FSHR: variants seen among roughly 807,000 people sequenced by gnomAD.
The protein encoded by FSHR is follicle stimulating hormone receptor, also known as follicle-stimulating hormone receptor.
FSHR carries 46 observed loss-of-function variants against 52.1 expected under a neutral mutation model. That is an observed-to-expected ratio of 0.88 (90% CI 0.70 to 1.13). FSHR has a LOEUF of 1.13. FSHR is among the 50% of genes most tolerant of loss of function. FSHR has a pLI of 0.00. For synonymous variants in FSHR, 399 were observed against 309.6 expected (o/e 1.29, Z -3.03); for missense variants, 964 against 834.6 (o/e 1.16, Z -1.91).
rs141481803 is a variant in FSHR at position 49,005,989 on chromosome 2, G to A, written c.374+11500C>T. Among the ~76,000 whole-genome samples the A allele has an allele frequency of 3.2e-3, 481 of 152,192 alleles. 4 individuals are homozygous for A. The highest frequency in any genetic ancestry group is 8.5e-3 in the African/African-American group (352 of 41,532). Reference sequence around the variant, plus strand: ...AGACTATAAAGCAGGCAGAAAAAACGTGAAAAGATTAGACTGGCTTAGCCT... The same window carrying A: ...AGACTATAAAGCAGGCAGAAAAAACATGAAAAGATTAGACTGGCTTAGCCT... On this transcript the variant is annotated intron_variant, in intron 4 of 9. Transcript: ENST00000406846.
chr2:48,968,953 C>G, intron 8 of FSHR, 70 bp from the exon 9 acceptor site: 1 of 1,361,178 alleles, frequency 7.3e-7, no homozygotes, highest in Non-Finnish European at 1.0e-6. Context: ...GGTTAGCAGG[C>G]AAAATAGCAG....
At position 48,963,238 on chromosome 2, in the gene FSHR, T is replaced by C. The variant is rs754540694; in HGVS notation, c.1583A>G (p.Gln528Arg). 5.0e-6 allele frequency: 8 copies of C among 1,614,108 alleles called. No individual in the cohort carries two copies. The highest frequency in any genetic ancestry group is 1.7e-4 in the Middle Eastern group (1 of 6,058). Residue 528 changes from glutamine (Q) to arginine (R), a missense_variant, in exon 10 of 10, where the codon CAG becomes CGG. Physicochemically the swap from Gln to Arg is conservative, Grantham distance 43. Transcript: ENST00000406846. ...CACAAGGAGGGACATGACATACAGC[T>C]GTGACAAAGGGCTGTCAATATCCAT... ...LPMDIDSPLS[Q>R]LYVMSLLVLN...
intron 4 of FSHR, among the ~76,000 whole-genome samples, chr2:48,991,257 C>T (rs1426447716): frequency 6.6e-6 from 1 of 152,124 alleles, no homozygotes; most frequent in East Asian, 1.9e-4. Context: ...GAAGCAGAGC[C>T]TGAGAAGAAG....
rs546856469 is a variant in FSHR, at chr2:48,975,645, C to G, written c.669-6762G>C. On this transcript the variant is annotated intron_variant, in intron 8 of 9. Transcript: ENST00000406846. ...TGAGCCAATGTCCCTAAGAAATCTC[C>G]TCTTCTCTTATTTCCTCGAGCAGTG... 7.9e-5 allele frequency among the ~76,000 whole-genome samples: 12 copies of G among 152,140 alleles called. 1 individual carries two copies. In the South Asian group the frequency reaches 2.5e-3, roughly 32 times the overall value.
chr2:49,100,470 G>A (rs1670984960), intron 1 of FSHR, among the ~76,000 whole-genome samples: 1 of 152,144 alleles, frequency 6.6e-6, no homozygotes. Context: ...CATTTCTTAT[G>A]GAAAGCCTTG....
At chr2:48,984,923 G>A (rs1216914393) in intron 6 of FSHR, among the ~76,000 whole-genome samples, 1 of 152,102 alleles carries the variant, frequency 6.6e-6, no homozygotes, top group Non-Finnish European at 1.5e-5. Flanking sequence ...TATATGGGGA[G>A]GAGGATGGTA....
Position 49,022,335 on chromosome 2 carries a change from A to T in FSHR, c.225-2175T>A, listed in dbSNP as rs538866018. ...TTAGTGATTTCAGAAAGTAGTCCGT[A>T]TTTGACGGTCTCAACTTCAAAGACA... On this transcript the variant is annotated intron_variant, in intron 2 of 9. Transcript: ENST00000406846. Among the ~76,000 whole-genome samples the T allele has an allele frequency of 4.3e-4, 65 of 152,234 alleles. No homozygotes were observed. In the South Asian group the frequency reaches 0.011, roughly 25 times the overall value.
intron 2 of FSHR, among the ~76,000 whole-genome samples, chr2:49,029,776 C>T (rs1041715165): frequency 1.3e-5 from 2 of 152,198 alleles, no homozygotes; most frequent in Non-Finnish European, 2.9e-5. Context: ...AACCACTCTT[C>T]TTGAGTCAAA....
intron 1 of FSHR, among the ~76,000 whole-genome samples, chr2:49,148,116 G>C (rs185185977): frequency 1.0e-3 from 156 of 152,100 alleles, no homozygotes; most frequent in African/African-American, 3.7e-3. Context: ...AAGTGATTTT[G>C]TTTGGGCAAA....
intron 8 of FSHR, among the ~76,000 whole-genome samples, chr2:48,970,142 G>C (rs1674673348): frequency 6.6e-6 from 1 of 152,104 alleles, no homozygotes; most frequent in South Asian, 2.1e-4. Flanking sequence ...CTCACAATCT[G>C]GTGAAAATTA....
At chr2:49,118,513 G>T (rs773657332) in intron 1 of FSHR, among the ~76,000 whole-genome samples, 16 of 152,234 alleles carry the variant, frequency 1.1e-4, no homozygotes, top group Non-Finnish European at 1.9e-4. Context: ...AATAATACAG[G>T]GTGGTCATGG....
In FSHR at chr2:49,030,271, A is replaced by AGTGTGT. The variant is rs141079184; in HGVS notation, c.225-10117_225-10112dup. The stretch of plus-strand genomic sequence containing the variant: ...GAGGCTCTTTGCTAAAGGAATAGCA[A>AGTGTGT]GTGTGTGTGTGTGTGTGTGTGTGTG... On this transcript the variant is annotated intron_variant, in intron 2 of 9. Transcript: ENST00000406846. Among the ~76,000 whole-genome samples, 1,350 of 140,424 alleles carry AGTGTGT rather than the reference A, an allele frequency of 9.6e-3. 10 individuals carry two copies. The highest frequency in any genetic ancestry group is 0.014 in the African/African-American group (521 of 38,098). The allele number at this position is 140,424 out of a possible 152,430, so 92.1% of individuals were successfully genotyped here.
Position 48,965,507 on chromosome 2 carries a change from G to C in FSHR, c.855-1541C>G, listed in dbSNP as rs577788792. ...GGCAAGCTCCATAATGGGTATAGAG[G>C]GGAGAAGAGGGGTATCCTGTGGTCC... is the stretch of plus-strand genomic sequence containing the variant. On this transcript the variant is annotated intron_variant, in intron 9 of 9. Coordinates refer to ENST00000406846, the MANE Select transcript of FSHR (RefSeq NM_000145.4). Among the ~76,000 whole-genome samples the C allele has an allele frequency of 5.8e-4, 88 of 152,304 alleles. 1 individual carries two copies. Among genetic ancestry groups the C allele is most frequent in the African/African-American group, 2.0e-3 (84 of 41,568 alleles).
chr2:49,151,409 G>A (rs1276566804), intron 1 of FSHR, among the ~76,000 whole-genome samples: 4 of 152,062 alleles, frequency 2.6e-5, no homozygotes, highest in African/African-American at 7.2e-5. Flanking sequence ...GCAAATAGTA[G>A]GAGCCCCTTA....
At chr2:49,061,320 G>A (rs760592773) in intron 2 of FSHR, among the ~76,000 whole-genome samples, 4 of 151,878 alleles carry the variant, frequency 2.6e-5, no homozygotes, top group Non-Finnish European at 5.9e-5. Flanking sequence ...CCTCTCACCT[G>A]TAAAGACAAA....
chr2:49,000,862 C>A lies in FSHR; in HGVS notation c.375-10225G>T, dbSNP rs149086480. ...AGAGGCTGGCTAAAGTGGCAGTAGA[C>A]CAGAACACTGCTAACTGAAAAGGAA... On this transcript the variant is annotated intron_variant, in intron 4 of 9. Coordinates refer to ENST00000406846, the MANE Select transcript of FSHR (RefSeq NM_000145.4). Among the ~76,000 whole-genome samples the A allele has an allele frequency of 4.3e-3, 653 of 152,122 alleles. 6 individuals carry two copies. The highest frequency in any genetic ancestry group is 0.015 in the African/African-American group (625 of 41,518).
chr2:49,124,563 A>G (rs1442595505), intron 1 of FSHR, among the ~76,000 whole-genome samples: 8 of 151,340 alleles, frequency 5.3e-5, no homozygotes, highest in Admixed American at 2.0e-4. Context: ...TTTTTTTTCA[A>G]TTGTTCAGGT....
At chr2:49,082,718 T>A (rs976557326) in intron 1 of FSHR, among the ~76,000 whole-genome samples, 2 of 152,104 alleles carry the variant, frequency 1.3e-5, no homozygotes, top group Non-Finnish European at 2.9e-5. Context: ...CAGGAGCCGA[T>A]GCGATCAACT....
chr2:49,146,354 C>G (rs146246412), intron 1 of FSHR, among the ~76,000 whole-genome samples: 1 of 151,942 alleles, frequency 6.6e-6, no homozygotes, highest in Admixed American at 6.6e-5. Flanking sequence ...ATATAAGGGG[C>G]CTTTCTTTCT....
Sources: gnomAD v4.1 joint callset for allele counts (sites outside exome capture counted in the v4.1 genomes callset) on GRCh38, gnomAD v4.1.1 for gene constraint, MANE v1.5 for transcripts, NCBI Gene and HGNC (gene_info 2026-07-23, HGNC 2026-07-21) for gene names.